The following MRPS6 variants were observed in gnomAD, a reference collection of about 807,000 sequenced individuals.
MRPS6 encodes the protein small ribosomal subunit protein bS6m.
In MRPS6, 6 loss-of-function variants were observed where a neutral mutation model predicts 13.1. The observed-to-expected ratio is 0.46, with a 90% confidence interval of 0.25 to 0.91. The LOEUF (loss-of-function observed/expected upper bound fraction) is 0.91. Ranked by LOEUF, MRPS6 falls within the 40% of genes least tolerant of loss-of-function variation. The pLI is 0.18. For synonymous variants in MRPS6, 61 were observed against 56.5 expected, an observed-to-expected ratio of 1.08 and a Z score of -0.36; for missense variants, 164 against 155.6, an observed-to-expected ratio of 1.05 and a Z score of -0.29.
chr21:34,126,235 T>C (rs956208092), intron 2 of MRPS6, among the ~76,000 whole-genome samples: 1 of 152,172 alleles, frequency 6.6e-6, no homozygotes, highest in Admixed American at 6.5e-5. Context: ...AGAACTCAGG[T>C]TATGGGTCTC....
intron 1 of MRPS6, chr21:34,099,464 A>AT (rs1377259352): frequency 1.0e-6 from 1 of 999,892 alleles, no homozygotes; most frequent in Non-Finnish European, 1.2e-6. Context: ...AAGATCTTGG[A>AT]TTTTTCAAAT....
chr21:34,103,768 A>G (rs980492786), intron 1 of MRPS6: 2 of 1,000,104 alleles, frequency 2.0e-6, no homozygotes, highest in Non-Finnish European at 2.4e-6. Context: ...CCAAAGGAAT[A>G]ATCTCAATAA....
chr21:34,093,592 A>G (rs1328848291), intron 1 of MRPS6, among the ~76,000 whole-genome samples: 2 of 152,172 alleles, frequency 1.3e-5, no homozygotes, highest in African/African-American at 2.4e-5. Context: ...ATCATCAGAA[A>G]AAGCATGGAA....
At chr21:34,133,734 C>G (rs1420074776) in intron 2 of MRPS6, among the ~76,000 whole-genome samples, 2 of 152,162 alleles carry the variant, frequency 1.3e-5, no homozygotes, top group African/African-American at 2.4e-5. Context: ...GCACATTACT[C>G]TAAGCACAGG....
Position 34,096,332 on chromosome 21 carries a change from C to G in MRPS6, c.45+22587C>G. 1 of 1,614,130 alleles carries G rather than the reference C, an allele frequency of 6.2e-7. No individual in the cohort carries two copies. On this transcript the variant is annotated intron_variant, in intron 1 of 2. Transcript: ENST00000399312. This position sits in a 1 kb window ranked among gnomAD's most constrained non-coding sequence, Gnocchi z 5.9. Reference sequence around the variant, plus strand: ...TGATGATTGCAGCTCTGATGAGTGACTTAGACTCTATCTTTAACAGTGCCA... The same window carrying G: ...TGATGATTGCAGCTCTGATGAGTGAGTTAGACTCTATCTTTAACAGTGCCA...
Position 34,142,779 on chromosome 21 carries a change from A to G in MRPS6, c.*179A>G, listed in dbSNP as rs1345493531. 5.2e-6 allele frequency: 3 copies of G among 581,702 alleles called. No individual in the cohort carries two copies. The highest frequency in any genetic ancestry group is 8.1e-6 in the Non-Finnish European group (3 of 368,656). 36.0% of individuals were successfully genotyped at this position (581,702 alleles called of 1,614,324 possible). On this transcript the variant is annotated 3_prime_UTR_variant, in exon 3 of 3. Coordinates refer to ENST00000399312, the MANE Select transcript of MRPS6 (RefSeq NM_032476.4). ...GCTTGCGAGAGGTGGGGAACTGCTC[A>G]CTGACAGCTTCTCTGTAACCTGCAG...
intron 2 of MRPS6, among the ~76,000 whole-genome samples, chr21:34,127,304 A>T (rs559652165): frequency 1.3e-5 from 2 of 152,282 alleles, no homozygotes; most frequent in African/African-American, 4.8e-5. Context: ...TCTGGTATTT[A>T]TTTGTTAAAG....
intron 1 of MRPS6, among the ~76,000 whole-genome samples, chr21:34,083,285 ATG>A (rs1989500253): frequency 6.6e-6 from 1 of 152,206 alleles, no homozygotes; most frequent in African/African-American, 2.4e-5. Flanking sequence ...TTGCAAATCC[ATG>A]TGTCGTCTTT....
rs1274793138 is a variant in MRPS6 at position 34,109,363 on chromosome 21, T to G, written c.46-15978T>G. Among the ~76,000 whole-genome samples, 4 of 152,236 alleles carry G rather than the reference T, an allele frequency of 2.6e-5. No individual in the cohort carries two copies. In the South Asian group the frequency reaches 6.2e-4, roughly 24 times the overall value. ...CCTGGCTGTTTGTTGGGTTAAGTCC[T>G]GCGATATCTTTAGAATAAGTCAAGC... is the stretch of plus-strand genomic sequence containing the variant. On this transcript the variant is annotated intron_variant, in intron 1 of 2. Coordinates refer to ENST00000399312, the MANE Select transcript of MRPS6 (RefSeq NM_032476.4).
chr21:34,095,190 GTT>G, intron 1 of MRPS6: 14 of 1,579,780 alleles, frequency 8.9e-6, no homozygotes, highest in Non-Finnish European at 1.1e-5. Flanking sequence ...TTATTCACAA[GTT>G]ACCAGAATGA....
rs1980710776 is a variant in MRPS6 at position 34,136,524 on chromosome 21, T to C, written c.186-5884T>C. Among the ~76,000 whole-genome samples, 9 of 152,358 alleles carry C rather than the reference T, an allele frequency of 5.9e-5. No individual in the cohort carries two copies. The South Asian group carries it at 1.9e-3, about 32-fold the overall frequency. ...TAATTTTATGGCACTTTAGTAGGTATCTCTTTGTGGTTTTAATTTGCATTT... is the reference window on the plus strand; with the variant it reads ...TAATTTTATGGCACTTTAGTAGGTACCTCTTTGTGGTTTTAATTTGCATTT... On this transcript the variant is annotated intron_variant, in intron 2 of 2. Coordinates refer to ENST00000399312, the MANE Select transcript of MRPS6 (RefSeq NM_032476.4).
chr21:34,111,076 A>G (rs772024786), intron 1 of MRPS6, among the ~76,000 whole-genome samples: 1 of 152,140 alleles, frequency 6.6e-6, no homozygotes, highest in Non-Finnish European at 1.5e-5. Flanking sequence ...AGGGCGAAAC[A>G]TTGCCTTTGT....
intron 2 of MRPS6, among the ~76,000 whole-genome samples, chr21:34,141,144 C>T (rs560313142): frequency 7.2e-4 from 109 of 152,338 alleles, no homozygotes; most frequent in Middle Eastern, 3.4e-3. Context: ...AACACCATCA[C>T]GGTCAAAGAT....
rs571892071 is a variant in MRPS6, at chr21:34,104,712, A to T, written c.46-20629A>T. 4.3e-5 allele frequency: 43 copies of T among 1,000,160 alleles called. 1 individual carries two copies. The South Asian group carries it at 1.8e-3, about 43-fold the overall frequency. The allele number at this position is 1,000,160 out of a possible 1,614,324, so 62.0% of individuals were successfully genotyped here. Reference sequence around the variant, plus strand: ...CAGGCCTGGGGGGATGAGGGGAAGAAGATTACCAGAAGTGCAGGAAAGAGA... The same window carrying T: ...CAGGCCTGGGGGGATGAGGGGAAGATGATTACCAGAAGTGCAGGAAAGAGA... On this transcript the variant is annotated intron_variant, in intron 1 of 2. Transcript: ENST00000399312.
intron 2 of MRPS6, among the ~76,000 whole-genome samples, chr21:34,137,597 T>TA (rs1980755070): frequency 6.6e-6 from 1 of 152,206 alleles, no homozygotes; most frequent in Non-Finnish European, 1.5e-5. Context: ...TTTCTTGCCT[T>TA]ACTGCACTGG....
rs889222459 is a variant in MRPS6 at position 34,086,088 on chromosome 21, A to G, written c.45+12343A>G. 9.7e-4 allele frequency among the ~76,000 whole-genome samples: 148 copies of G among 152,230 alleles called. 10 individuals are homozygous for G. Among genetic ancestry groups the G allele is most frequent in the Non-Finnish European group, 2.9e-5 (2 of 68,044 alleles). On this transcript the variant is annotated intron_variant, in intron 1 of 2. Coordinates refer to ENST00000399312, the MANE Select transcript of MRPS6 (RefSeq NM_032476.4). ...GACCTTAAGTCTCTTACTCTGTAATAGCTTCTTACCCCACTCTTTACCTTT... is the reference window on the plus strand; with the variant it reads ...GACCTTAAGTCTCTTACTCTGTAATGGCTTCTTACCCCACTCTTTACCTTT...
intron 1 of MRPS6, chr21:34,103,131 T>C (rs1052647822): frequency 2.0e-6 from 2 of 999,980 alleles, no homozygotes; most frequent in African/African-American, 3.5e-5. Flanking sequence ...ATTGCAGAAA[T>C]CCCAAACTGG....
intron 1 of MRPS6, among the ~76,000 whole-genome samples, chr21:34,078,144 T>C (rs1328561397): frequency 6.6e-6 from 1 of 151,996 alleles, no homozygotes; most frequent in African/African-American, 2.4e-5. Flanking sequence ...TCAAGTGGTC[T>C]TTTTTTTCTT....
chr21:34,105,731 C>G (rs1240175469), intron 1 of MRPS6: 1 of 997,902 alleles, frequency 1.0e-6, no homozygotes, highest in African/African-American at 1.7e-5. Flanking sequence ...AGTTTACCTT[C>G]TGTTGTCTAC....
Sources: allele counts gnomAD v4.1 joint callset (sites outside exome capture counted in the v4.1 genomes callset), GRCh38; gene constraint gnomAD v4.1.1; non-coding constraint Gnocchi (gnomAD v3.1); transcripts MANE v1.5; gene names NCBI Gene and HGNC (gene_info 2026-07-23, HGNC 2026-07-21).